The following CARS2 variants were observed in gnomAD, a reference collection of about 807,000 sequenced individuals.
CARS2 encodes cysteinyl-tRNA synthetase 2, mitochondrial, also known as probable cysteine--tRNA ligase, mitochondrial.
Under a neutral mutation model 68.8 loss-of-function variants are expected in CARS2, and 52 were observed. The observed-to-expected ratio is 0.76, with a 90% CI of 0.61 to 0.95. CARS2 has a LOEUF of 0.95. Ranked by LOEUF, CARS2 falls within the 40% of genes least tolerant of loss-of-function variation. CARS2 has a pLI of 0.00. For synonymous variants in CARS2, 314 were observed against 303.6 expected (o/e 1.03, Z -0.36); for missense variants, 780 against 754.2 (o/e 1.03, Z -0.40).
chr13:110,661,011 G>T (rs779794851), intron 9 of CARS2, among the ~76,000 whole-genome samples: 2 of 152,050 alleles, frequency 1.3e-5, no homozygotes, highest in African/African-American at 2.4e-5. Context: ...CTGCCCACCT[G>T]GGCCTCCCAA....
chr13:110,712,813 C>A, intron 1 of CARS2: 1 of 829,640 alleles, frequency 1.2e-6, no homozygotes, highest in Non-Finnish European at 2.0e-6. Flanking sequence ...CTATCCACCT[C>A]TTCTGGGGCT....
exon 1 of CARS2, chr13:110,713,392 C>G (rs1461731557): frequency 9.7e-7 from 1 of 1,032,284 alleles, no homozygotes; most frequent in Non-Finnish European, 1.2e-6. Flanking sequence ...TCCCAGCGGG[C>G]GTGCTGTGCC....
chr13:110,704,662 C>G (rs1230045726), intron 2 of CARS2, among the ~76,000 whole-genome samples: 1 of 152,032 alleles, frequency 6.6e-6, no homozygotes, highest in African/African-American at 2.4e-5. Context: ...GGCAACTGGA[C>G]CTGGGAGGCA....
In CARS2 at chr13:110,664,462, A is replaced by G. The variant is rs189819169; in HGVS notation, c.920-944T>C. On this transcript the variant is annotated intron_variant, in intron 8 of 14. Transcript: ENST00000257347. ...AGCCCAGGAGGTTGGGCCTAGAGTG[A>G]GCTATGTTCATGTCACTGCACTCCA... The G allele has an allele frequency of 1.5e-5, 6 of 388,494 alleles. No individual in the cohort carries two copies. The East Asian group carries it at 9.7e-4, about 63-fold the overall frequency. 24.1% of individuals were successfully genotyped at this position (388,494 alleles called of 1,614,324 possible).
At chr13:110,680,781 A>G (rs2063136731) in intron 6 of CARS2, among the ~76,000 whole-genome samples, 1 of 152,218 alleles carries the variant, frequency 6.6e-6, no homozygotes, top group South Asian at 2.1e-4. Context: ...GTGGACTAAA[A>G]ACAAGACACA....
At position 110,646,130 on chromosome 13, in the gene CARS2, C is replaced by T. The variant is rs779461276; in HGVS notation, c.1194-40G>A. The T allele has an allele frequency of 1.9e-6, 3 of 1,592,284 alleles. No homozygotes were observed. In the African/African-American group the frequency reaches 4.0e-5, roughly 21 times the overall value. On this transcript the variant is annotated intron_variant, in intron 11 of 14. Transcript: ENST00000257347. Reference sequence around the variant, plus strand: ...GAGAACAGTCACAGCAGAGGGAGCTCCACTCTCCCCAGGCGGCCCCCACAC... The same window carrying T: ...GAGAACAGTCACAGCAGAGGGAGCTTCACTCTCCCCAGGCGGCCCCCACAC...
intron 3 of CARS2, chr13:110,698,019 CT>C (rs2063674117): frequency 1.8e-5 from 8 of 453,286 alleles, no homozygotes; most frequent in Non-Finnish European, 3.5e-5. Context: ...AAAGTTCAGC[CT>C]CTTTTCAGAT....
chr13:110,713,177 G>C, exon 1 of CARS2: 1 of 1,427,868 alleles, frequency 7.0e-7, no homozygotes, highest in Non-Finnish European at 9.1e-7. Context: ...GGCTGTCAAA[G>C]TGATGTTGGC....
In CARS2 at chr13:110,667,421, A is replaced by G. The variant is rs1460240929; in HGVS notation, c.838T>C (p.Phe280Leu). 6.2e-7 allele frequency: 1 copy of G among 1,613,880 alleles called. No individual in the cohort carries two copies. The change falls in exon 8 of 15, where the codon TTT (phenylalanine) becomes CTT (leucine). Residue 280 changes from phenylalanine to leucine, a missense_variant. By Grantham distance (22) the Phe-to-Leu change is conservative. Coordinates refer to ENST00000257347, the MANE Select transcript of CARS2 (RefSeq NM_024537.4). The stretch of plus-strand genomic sequence containing the variant: ...GCAATTTCGTTTTCATGATGTGGAA[A>G]AGCTAAATCTATCCCACCTGAATGG... The part of the protein sequence containing the change: ...DIHSGGIDLA[F>L]PHHENEIAQC...
chr13:110,677,173 C>G, intron 6 of CARS2, 70 bp from the exon 7 acceptor site: 1 of 1,474,326 alleles, frequency 6.8e-7, no homozygotes, highest in Non-Finnish European at 9.1e-7. Flanking sequence ...CAGACATTCA[C>G]CCCCACCACA....
intron 3 of CARS2, among the ~76,000 whole-genome samples, chr13:110,697,274 C>T (rs563862591): frequency 6.6e-6 from 1 of 152,344 alleles, no homozygotes; most frequent in Admixed American, 6.5e-5. Context: ...ACATCACGCA[C>T]CTGCCTTCTA....
rs572594779 is a variant in CARS2 at position 110,666,280 on chromosome 13, A to C, written c.919+1060T>G. 15 of 984,626 alleles carry C rather than the reference A, an allele frequency of 1.5e-5. No individual in the cohort carries two copies. In the East Asian group the frequency reaches 3.4e-4, roughly 22 times the overall value. The allele number at this position is 984,626 out of a possible 1,614,324, so 61.0% of individuals were successfully genotyped here. On this transcript the variant is annotated intron_variant, in intron 8 of 14. Coordinates refer to ENST00000257347, the MANE Select transcript of CARS2 (RefSeq NM_024537.4). The stretch of plus-strand genomic sequence containing the variant: ...CGGCAGGCGTTTGTTCTGATTAGAA[A>C]CTCCACCGACACCGGAATAAAGTGG...
chr13:110,658,152 G>C (rs2062416852), intron 9 of CARS2, among the ~76,000 whole-genome samples: 1 of 152,212 alleles, frequency 6.6e-6, no homozygotes, highest in South Asian at 2.1e-4. Flanking sequence ...CTGTAGATTA[G>C]ATTAGAAACC....
rs548551062 is a variant in CARS2, at chr13:110,673,983, C to T, written c.785+2991G>A. Among the ~76,000 whole-genome samples, 796 of 152,158 alleles carry T rather than the reference C, an allele frequency of 5.2e-3. 11 individuals are homozygous for T. The highest frequency in any genetic ancestry group is 0.018 in the African/African-American group (758 of 41,500). On this transcript the variant is annotated intron_variant, in intron 7 of 14. Coordinates refer to ENST00000257347, the MANE Select transcript of CARS2 (RefSeq NM_024537.4). ...CAATTGCTTCAAAGAGAATAAAATACCTAGGAATCCAACTTACAAGGGATG... is the reference window on the plus strand; with the variant it reads ...CAATTGCTTCAAAGAGAATAAAATATCTAGGAATCCAACTTACAAGGGATG...
At position 110,670,025 on chromosome 13, in the gene CARS2, T is replaced by C. The variant is rs1333599101; in HGVS notation, c.786-2552A>G. 1.3e-5 allele frequency among the ~76,000 whole-genome samples: 2 copies of C among 152,170 alleles called. No individual in the cohort carries two copies. The highest frequency in any genetic ancestry group is 3.9e-4 in the East Asian group (2 of 5,192). ...GAGGCTGGGGGAGGGGCATCTGCCA[T>C]TGCTGAGGCTTGAGTAGGTAAACAA... On this transcript the variant is annotated intron_variant, in intron 7 of 14. Coordinates refer to ENST00000257347, the MANE Select transcript of CARS2 (RefSeq NM_024537.4). This position sits in a 1 kb window ranked among gnomAD's most constrained non-coding sequence, Gnocchi z 4.1.
At chr13:110,682,385 G>C (rs948274304) in intron 6 of CARS2, among the ~76,000 whole-genome samples, 3 of 152,158 alleles carry the variant, frequency 2.0e-5, no homozygotes, top group African/African-American at 7.2e-5. Flanking sequence ...GCACCACGGC[G>C]GGGGAAGGAA....
intron 13 of CARS2, chr13:110,643,227 A>G: frequency 5.7e-6 from 1 of 174,950 alleles, no homozygotes; most frequent in South Asian, 1.2e-4. Context: ...GGTGAATGAG[A>G]TATCTTTGAC....
In CARS2 at chr13:110,705,978, C is replaced by T; in HGVS notation, c.116G>A (p.Gly39Glu). 1 of 1,511,222 alleles carries T rather than the reference C, an allele frequency of 6.6e-7. No individual in the cohort carries two copies. Among genetic ancestry groups the T allele is most frequent in the Non-Finnish European group, 8.8e-7 (1 of 1,134,056 alleles). The allele number at this position is 1,511,222 out of a possible 1,614,324, so 93.6% of individuals were successfully genotyped here. A position where few individuals can be genotyped will look rare whatever the true frequency, so the allele number is the denominator to read the frequency against. Reference protein sequence around the residue: ...PAGRAASGGRGRAWLQPTGRE... With the variant: ...PAGRAASGGRERAWLQPTGRE... ...GCCCGTGGGCTGCAGCCAGGCCCGCCCGCGCCCCCCGCTCGCCGCCCGGCC... is the reference window on the plus strand; with the variant it reads ...GCCCGTGGGCTGCAGCCAGGCCCGCTCGCGCCCCCCGCTCGCCGCCCGGCC... The change falls in exon 1 of 15, where the codon GGG (glycine) becomes GAG (glutamate). Residue 39 changes from glycine (G) to glutamate (E), a missense_variant. Transcript: ENST00000257347. The surrounding 1 kb of genome is among the most constrained non-coding windows in gnomAD (Gnocchi z 4.0).
At chr13:110,679,597 A>AAGAAAGAG (rs1312030282) in intron 6 of CARS2, among the ~76,000 whole-genome samples, 24 of 43,688 alleles carry the variant, frequency 5.5e-4, no homozygotes, top group African/African-American at 1.2e-3. Context: ...GAAAGAAAGA[A>AAGAAAGAG]AGAGAGAGAG....
Sources: gnomAD v4.1 joint callset for allele counts (sites outside exome capture counted in the v4.1 genomes callset) on GRCh38, gnomAD v4.1.1 for gene constraint, Gnocchi (gnomAD v3.1) non-coding constraint, MANE v1.5 for transcripts, NCBI Gene and HGNC (gene_info 2026-07-23, HGNC 2026-07-21) for gene names.